The following ZDHHC14 variants were observed in gnomAD, a reference collection of about 807,000 sequenced individuals.
ZDHHC14 encodes palmitoyltransferase ZDHHC14.
In ZDHHC14, 16 loss-of-function variants were observed where a neutral mutation model predicts 47.7. The observed-to-expected ratio is 0.34, with a 90% CI of 0.23 to 0.51. The LOEUF (loss-of-function observed/expected upper bound fraction) is 0.51, where lower values mean the gene tolerates loss of function less well. ZDHHC14 is among the 20% of genes least tolerant of loss of function. The pLI, the probability that ZDHHC14 is intolerant of heterozygous loss-of-function variation, is 0.97. For synonymous variants in ZDHHC14, 293 were observed against 278.9 expected, an observed-to-expected ratio of 1.05 and a Z score of -0.50; for missense variants, 515 against 662.5, an observed-to-expected ratio of 0.78 and a Z score of 2.44.
chr6:157,441,243 C>T (rs572364203), intron 1 of ZDHHC14, among the ~76,000 whole-genome samples: 1 of 152,314 alleles, frequency 6.6e-6, no homozygotes, highest in African/African-American at 2.4e-5. Flanking sequence ...TTTTTGTAGG[C>T]TTTGCAAATC....
chr6:157,408,321 C>T (rs147365017), intron 1 of ZDHHC14, among the ~76,000 whole-genome samples: 13 of 152,032 alleles, frequency 8.6e-5, no homozygotes, highest in Admixed American at 2.0e-4. Flanking sequence ...TTATAAGTTC[C>T]GGGGTACATG....
chr6:157,596,861 A>G (rs1348659236), intron 3 of ZDHHC14, among the ~76,000 whole-genome samples: 2 of 152,194 alleles, frequency 1.3e-5, no homozygotes, highest in Admixed American at 6.5e-5. Flanking sequence ...TGGGAATGCC[A>G]CCATCGGTGC....
intron 1 of ZDHHC14, among the ~76,000 whole-genome samples, chr6:157,445,951 T>C (rs1778658870): frequency 6.6e-6 from 1 of 152,228 alleles, no homozygotes; most frequent in Non-Finnish European, 1.5e-5. Context: ...TTGGACTCGC[T>C]ACATGGTGCT....
At chr6:157,446,598 C>A (rs1431358273) in intron 1 of ZDHHC14, among the ~76,000 whole-genome samples, 1 of 151,876 alleles carries the variant, frequency 6.6e-6, no homozygotes, top group Non-Finnish European at 1.5e-5. Context: ...TTAGTAGAGA[C>A]AGTGTTTCAC....
chr6:157,450,460 A>G (rs1778778317), intron 1 of ZDHHC14, among the ~76,000 whole-genome samples: 1 of 150,320 alleles, frequency 6.7e-6, no homozygotes, highest in African/African-American at 2.5e-5. Context: ...GGTTGTAGTG[A>G]GCCGAGATCG....
At chr6:157,534,473 T>C (rs1781470061) in intron 1 of ZDHHC14, among the ~76,000 whole-genome samples, 1 of 152,164 alleles carries the variant, frequency 6.6e-6, no homozygotes, top group Non-Finnish European at 1.5e-5. Flanking sequence ...GGCAAAACAG[T>C]GTTGGCTTTC....
chr6:157,584,793 T>G (rs1783629367), intron 2 of ZDHHC14, among the ~76,000 whole-genome samples: 1 of 152,208 alleles, frequency 6.6e-6, no homozygotes, highest in African/African-American at 2.4e-5. Flanking sequence ...ATGTAAGTGC[T>G]GTTATTATTT....
intron 1 of ZDHHC14, among the ~76,000 whole-genome samples, chr6:157,401,356 G>T (rs894856938): frequency 6.6e-6 from 1 of 152,174 alleles, no homozygotes; most frequent in Non-Finnish European, 1.5e-5. Flanking sequence ...ATGTTACTGG[G>T]TATACATACA....
chr6:157,424,538 G>A (rs368912933), intron 1 of ZDHHC14, among the ~76,000 whole-genome samples: 10 of 152,138 alleles, frequency 6.6e-5, no homozygotes, highest in East Asian at 3.9e-4. Context: ...AGCTCTAAGC[G>A]GAACACCTGA....
intron 2 of ZDHHC14, among the ~76,000 whole-genome samples, chr6:157,562,881 GC>G (rs1562482827): frequency 7.0e-6 from 1 of 142,736 alleles, no homozygotes; most frequent in African/African-American, 2.5e-5. Flanking sequence ...GCCTCCCACC[GC>G]CCCCCAAGCA....
At chr6:157,524,906 A>G (rs1193184554) in intron 1 of ZDHHC14, among the ~76,000 whole-genome samples, 1 of 152,206 alleles carries the variant, frequency 6.6e-6, no homozygotes, top group Non-Finnish European at 1.5e-5. Context: ...ATTGCTGTGT[A>G]ACAAATGACC....
At chr6:157,589,268 C>A (rs942371039) in intron 2 of ZDHHC14, among the ~76,000 whole-genome samples, 1 of 152,104 alleles carries the variant, frequency 6.6e-6, no homozygotes, top group Non-Finnish European at 1.5e-5. Flanking sequence ...GAGAAATCCA[C>A]CCCCATGATC....
intron 1 of ZDHHC14, among the ~76,000 whole-genome samples, chr6:157,540,926 A>G (rs1158738006): frequency 1.8e-5 from 2 of 113,964 alleles, no homozygotes; most frequent in Non-Finnish European, 3.6e-5. Context: ...ATATATATAT[A>G]TATATATAAT....
chr6:157,637,275 A>C (rs993291790), intron 5 of ZDHHC14, among the ~76,000 whole-genome samples: 2 of 152,080 alleles, frequency 1.3e-5, no homozygotes, highest in Non-Finnish European at 2.9e-5. Context: ...GAGTGTGCCA[A>C]AGTCAAGGGC....
chr6:157,511,333 T>A (rs1780472678), intron 1 of ZDHHC14, among the ~76,000 whole-genome samples: 1 of 152,146 alleles, frequency 6.6e-6, no homozygotes, highest in African/African-American at 2.4e-5. Context: ...AATCATTCTG[T>A]TCAGAGTGGA....
chr6:157,630,255 C>CA (rs2114954627), intron 4 of ZDHHC14: 1 of 152,406 alleles, frequency 6.6e-6, no homozygotes, highest in Non-Finnish European at 1.5e-5. Flanking sequence ...GCTGGGATTA[C>CA]AGGCGTGAGC....
chr6:157,642,953 T>A (rs1050086308), intron 5 of ZDHHC14, among the ~76,000 whole-genome samples: 17 of 152,228 alleles, frequency 1.1e-4, no homozygotes, highest in Non-Finnish European at 2.9e-5. Flanking sequence ...ACCTGCCCCT[T>A]GGCAAGAATT....
chr6:157,410,366 C>A lies in ZDHHC14; in HGVS notation c.245+28100C>A, dbSNP rs546410784. Among the ~76,000 whole-genome samples the A allele has an allele frequency of 3.5e-4, 53 of 152,212 alleles. 1 individual carries two copies. Among genetic ancestry groups the A allele is most frequent in the African/African-American group, 1.3e-3 (53 of 41,496 alleles). ...ATGTCATGGTAGTGCTATTTGGGTC[C>A]AGGGGAGACATAAAATTGGCTGGAT... On this transcript the variant is annotated intron_variant, in intron 1 of 8. Transcript: ENST00000359775.
In ZDHHC14 at chr6:157,381,913, G is replaced by C; in HGVS notation, c.-109G>C. On this transcript the variant is annotated 5_prime_UTR_variant, in exon 1 of 9. Transcript: ENST00000359775. ...CGGGAGCCCGTGTAGGGGCCGCGGCGCCGCGGCTCGGGGGGCGGCCGGGCG... is the reference window on the plus strand; with the variant it reads ...CGGGAGCCCGTGTAGGGGCCGCGGCCCCGCGGCTCGGGGGGCGGCCGGGCG... 2 of 937,762 alleles carry C rather than the reference G, an allele frequency of 2.1e-6. No homozygotes were observed. Among genetic ancestry groups the C allele is most frequent in the Non-Finnish European group, 2.5e-6 (2 of 791,236 alleles). The allele number at this position is 937,762 out of a possible 1,614,324, so 58.1% of individuals were successfully genotyped here.
Sources: allele counts gnomAD v4.1 joint callset (sites outside exome capture counted in the v4.1 genomes callset), GRCh38; gene constraint gnomAD v4.1.1; transcripts MANE v1.5; gene names NCBI Gene and HGNC (gene_info 2026-07-23, HGNC 2026-07-21).